The following GRM8 variants were observed in gnomAD, a reference collection of about 807,000 sequenced individuals.
GRM8 encodes glutamate metabotropic receptor 8, also known as metabotropic glutamate receptor 8.
Under a neutral mutation model 87.2 loss-of-function variants are expected in GRM8, and 47 were observed. The ratio of observed to expected loss-of-function variants is 0.54; its 90% confidence interval spans 0.43 to 0.69. The LOEUF is 0.69. Ranked by LOEUF, GRM8 falls within the 30% of genes least tolerant of loss-of-function variation. The pLI, the probability that GRM8 is intolerant of heterozygous loss-of-function variation, is 0.00. For synonymous variants in GRM8, 396 were observed against 404.5 expected (o/e 0.98, Z 0.25); for missense variants, 1,019 against 1,139.2 (o/e 0.89, Z 1.52).
chr7:127,207,719 C>T (rs1301894657), intron 2 of GRM8, among the ~76,000 whole-genome samples: 1 of 152,114 alleles, frequency 6.6e-6, no homozygotes, highest in African/African-American at 2.4e-5. Context: ...GGAAGCCAGA[C>T]CCGTCTCATT....
At chr7:126,766,294 C>A (rs1404214758) in intron 7 of GRM8, among the ~76,000 whole-genome samples, 1 of 152,076 alleles carries the variant, frequency 6.6e-6, no homozygotes, top group East Asian at 1.9e-4. Context: ...CCTTCTGCTC[C>A]TATAAACTGG....
At chr7:127,206,161 A>G (rs1795900720) in intron 2 of GRM8, among the ~76,000 whole-genome samples, 1 of 152,152 alleles carries the variant, frequency 6.6e-6, no homozygotes, top group African/African-American at 2.4e-5. Context: ...CTCAACCTCT[A>G]CCTACAGAGA....
chr7:127,130,060 G>A (rs973638212), intron 2 of GRM8, among the ~76,000 whole-genome samples: 1 of 152,126 alleles, frequency 6.6e-6, no homozygotes, highest in Non-Finnish European at 1.5e-5. Flanking sequence ...TGGTTTAAAA[G>A]TGGCAGGTTC....
chr7:126,827,505 GCT>G (rs1186097109), intron 6 of GRM8, among the ~76,000 whole-genome samples: 2 of 152,026 alleles, frequency 1.3e-5, no homozygotes, highest in East Asian at 3.9e-4. Flanking sequence ...TCATGATTTG[GCT>G]CTCTATTGGT....
chr7:127,227,406 A>T (rs1797406515), intron 2 of GRM8, among the ~76,000 whole-genome samples: 1 of 152,136 alleles, frequency 6.6e-6, no homozygotes. Flanking sequence ...ACCATTCTAG[A>T]CTCTAGATTC....
At chr7:127,072,751 A>C (rs1426688337) in intron 3 of GRM8, among the ~76,000 whole-genome samples, 2 of 152,084 alleles carry the variant, frequency 1.3e-5, no homozygotes, top group African/African-American at 4.8e-5. Context: ...GAAACAGAGA[A>C]ACACAAAGGA....
At chr7:126,780,697 G>A (rs1163921493) in intron 6 of GRM8, among the ~76,000 whole-genome samples, 1 of 152,120 alleles carries the variant, frequency 6.6e-6, no homozygotes, top group Non-Finnish European at 1.5e-5. Flanking sequence ...GGCTTAGCAG[G>A]GGAAGAAGGA....
chr7:126,991,843 T>A (rs1029429647), intron 3 of GRM8, among the ~76,000 whole-genome samples: 2 of 152,192 alleles, frequency 1.3e-5, no homozygotes, highest in Admixed American at 1.3e-4. Context: ...ATTTCTCTCA[T>A]GGCCCTTCCC....
intron 8 of GRM8, among the ~76,000 whole-genome samples, chr7:126,575,955 T>G (rs1400181917): frequency 6.6e-6 from 1 of 152,130 alleles, no homozygotes; most frequent in Non-Finnish European, 1.5e-5. Flanking sequence ...AGAAACATGA[T>G]GGAGGCTGAT....
intron 6 of GRM8, among the ~76,000 whole-genome samples, chr7:126,883,917 G>A (rs1009297591): frequency 6.6e-6 from 1 of 152,098 alleles, no homozygotes; most frequent in Non-Finnish European, 1.5e-5. Flanking sequence ...CACATTTTCT[G>A]AAATATCAGA....
intron 7 of GRM8, among the ~76,000 whole-genome samples, chr7:126,650,524 A>C (rs1446657686): frequency 6.6e-6 from 1 of 152,164 alleles, no homozygotes; most frequent in African/African-American, 2.4e-5. Flanking sequence ...TGCACTTTGC[A>C]TGGAAGGAGA....
intron 7 of GRM8, among the ~76,000 whole-genome samples, chr7:126,612,311 C>T (rs968425908): frequency 6.6e-6 from 1 of 152,186 alleles, no homozygotes; most frequent in Admixed American, 6.5e-5. Context: ...TCTCTTTCAA[C>T]ACAATGCCAC....
At chr7:126,914,696 C>T (rs1046557900) in intron 3 of GRM8, among the ~76,000 whole-genome samples, 3 of 152,178 alleles carry the variant, frequency 2.0e-5, no homozygotes. Context: ...CACGTTCTTA[C>T]TTATAAGTGT....
At chr7:126,481,911 T>C (rs7785200) in intron 9 of GRM8, among the ~76,000 whole-genome samples, 115,635 of 151,972 alleles carry the variant, frequency 0.76, 44,012 homozygotes, top group Middle Eastern at 0.87. Context: ...ACTTTTATAA[T>C]GCTTTTGTAA....
intron 6 of GRM8, among the ~76,000 whole-genome samples, chr7:126,855,587 T>C (rs1797603134): frequency 6.6e-6 from 1 of 151,600 alleles, no homozygotes; most frequent in Non-Finnish European, 1.5e-5. Flanking sequence ...GCAATTCGCC[T>C]GTCTCAGCAT....
At chr7:127,104,371 G>C (rs1381316516) in intron 3 of GRM8, among the ~76,000 whole-genome samples, 1 of 152,088 alleles carries the variant, frequency 6.6e-6, no homozygotes, top group African/African-American at 2.4e-5. Flanking sequence ...AGAGACATCA[G>C]ATAATTTCAG....
chr7:126,458,856 T>G lies in GRM8; in HGVS notation c.2431-12484A>C, dbSNP rs1027032097. On this transcript the variant is annotated intron_variant, in intron 9 of 10. Coordinates refer to ENST00000339582, the MANE Select transcript of GRM8 (RefSeq NM_000845.3). Reference sequence around the variant, plus strand: ...CTCCTATAAAAAGGAAAGTACAAACTATTTAGAAATTGAATAATCATGAAA... The same window carrying G: ...CTCCTATAAAAAGGAAAGTACAAACGATTTAGAAATTGAATAATCATGAAA... Among the ~76,000 whole-genome samples, 15 of 151,364 alleles carry G rather than the reference T, an allele frequency of 9.9e-5. No individual in the cohort carries two copies. The East Asian group carries it at 2.7e-3, about 28-fold the overall frequency.
intron 8 of GRM8, among the ~76,000 whole-genome samples, chr7:126,602,608 TTGAGCAG>T (rs1797922465): frequency 7.1e-6 from 1 of 141,604 alleles, no homozygotes; most frequent in South Asian, 2.5e-4. Flanking sequence ...TTTTATTTCC[TTGAGCAG>T]TGGTTTGTAG....
chr7:126,834,943 G>T (rs1257082136), intron 6 of GRM8, among the ~76,000 whole-genome samples: 2 of 151,938 alleles, frequency 1.3e-5, no homozygotes, highest in African/African-American at 4.8e-5. Flanking sequence ...AGGTGTGGTG[G>T]TGTGTGCCTG....
Sources: allele counts gnomAD v4.1 joint callset (sites outside exome capture counted in the v4.1 genomes callset), GRCh38; gene constraint gnomAD v4.1.1; transcripts MANE v1.5; gene names NCBI Gene and HGNC (gene_info 2026-07-23, HGNC 2026-07-21).